DPP10: variants seen among roughly 807,000 people sequenced by gnomAD.
DPP10 encodes the protein inactive dipeptidyl peptidase 10.
Under a neutral mutation model 120.9 loss-of-function variants are expected in DPP10, and 33 were observed. The observed-to-expected ratio is 0.27, with a 90% CI of 0.21 to 0.37. The LOEUF is 0.37. Among genes scored for constraint, DPP10 ranks in the 10% least tolerant of loss-of-function variants. The pLI, the probability that DPP10 is intolerant of heterozygous loss-of-function variation, is 1.00. For synonymous variants in DPP10, 337 were observed against 326.1 expected, an observed-to-expected ratio of 1.03 and a Z score of -0.36; for missense variants, 816 against 942.8, an observed-to-expected ratio of 0.87 and a Z score of 1.76.
At chr2:114,797,402 T>C (rs1169966367) in intron 1 of DPP10, among the ~76,000 whole-genome samples, 1 of 152,188 alleles carries the variant, frequency 6.6e-6, no homozygotes, top group African/African-American at 2.4e-5. Context: ...CTGGGTGATC[T>C]TGGGCAAGGT....
intron 21 of DPP10, among the ~76,000 whole-genome samples, chr2:115,823,197 G>C (rs62156341): frequency 0.081 from 12,339 of 151,924 alleles, 671 homozygotes; most frequent in Non-Finnish European, 0.12. Flanking sequence ...TTTTATCTAT[G>C]GGGATTCTTT....
Position 114,442,707 on chromosome 2 carries a change from A to G in DPP10, c.-72A>G, listed in dbSNP as rs776705828. ...CAGCAGCAGCCCCTACTGAAGTCCA[A>G]TAGAGGAGACTTGATCTCTAGTTCA... is the stretch of plus-strand genomic sequence containing the variant. On this transcript the variant is annotated 5_prime_UTR_variant, in exon 1 of 26. Transcript: ENST00000410059. 1.4e-5 allele frequency: 22 copies of G among 1,578,598 alleles called. No individual in the cohort carries two copies. Among genetic ancestry groups the G allele is most frequent in the East Asian group, 4.5e-5 (2 of 44,190 alleles).
chr2:114,628,516 G>A (rs1386779340), intron 1 of DPP10, among the ~76,000 whole-genome samples: 1 of 152,104 alleles, frequency 6.6e-6, no homozygotes, highest in Non-Finnish European at 1.5e-5. Context: ...GTGAGAAAGA[G>A]CAATTCATCT....
At chr2:115,230,553 C>T (rs1307880745) in intron 1 of DPP10, among the ~76,000 whole-genome samples, 1 of 151,786 alleles carries the variant, frequency 6.6e-6, no homozygotes, top group East Asian at 1.9e-4. Context: ...AGAACTTTTC[C>T]AATGAGTTGT....
chr2:115,444,473 G>A (rs1244423276), intron 3 of DPP10, among the ~76,000 whole-genome samples: 2 of 152,198 alleles, frequency 1.3e-5, no homozygotes, highest in African/African-American at 4.8e-5. Context: ...ATAAGTCTCT[G>A]TCAATCACAG....
chr2:115,499,225 A>T (rs1422163390), intron 3 of DPP10, among the ~76,000 whole-genome samples: 1 of 152,070 alleles, frequency 6.6e-6, no homozygotes, highest in East Asian at 1.9e-4. Flanking sequence ...CTCACCACAG[A>T]ATGTGCAGCA....
intron 8 of DPP10, among the ~76,000 whole-genome samples, chr2:115,737,994 A>G (rs1027070246): frequency 1.3e-5 from 2 of 152,156 alleles, no homozygotes; most frequent in Non-Finnish European, 2.9e-5. Context: ...TTTGATGTTC[A>G]ATATCTTCAG....
chr2:115,615,880 A>C (rs1202442615), intron 5 of DPP10, among the ~76,000 whole-genome samples: 1 of 152,170 alleles, frequency 6.6e-6, no homozygotes, highest in Non-Finnish European at 1.5e-5. Flanking sequence ...CTAATATTAT[A>C]AGTATCAATT....
chr2:115,184,457 C>T (rs2054292897), intron 1 of DPP10, among the ~76,000 whole-genome samples: 1 of 152,124 alleles, frequency 6.6e-6, no homozygotes, highest in Non-Finnish European at 1.5e-5. Context: ...CTTTATTGGA[C>T]TTTTACAAGA....
chr2:114,538,436 A>G (rs1465810212), intron 1 of DPP10, among the ~76,000 whole-genome samples: 1 of 152,200 alleles, frequency 6.6e-6, no homozygotes, highest in Non-Finnish European at 1.5e-5. Flanking sequence ...GTGTCCACCT[A>G]AAGTCCAGGG....
chr2:115,802,246 G>A (rs1017741885), intron 19 of DPP10, among the ~76,000 whole-genome samples: 3 of 152,194 alleles, frequency 2.0e-5, no homozygotes, highest in Non-Finnish European at 2.9e-5. Context: ...ATTCTCTGAC[G>A]GTAGTTTGTA....
chr2:115,028,434 C>T (rs1457658710), intron 1 of DPP10, among the ~76,000 whole-genome samples: 1 of 152,046 alleles, frequency 6.6e-6, no homozygotes, highest in Non-Finnish European at 1.5e-5. Context: ...TAGTTTGAGT[C>T]CACTGTGGTC....
At chr2:115,166,550 AT>A (rs1413425891) in intron 1 of DPP10, among the ~76,000 whole-genome samples, 1 of 146,774 alleles carries the variant, frequency 6.8e-6, no homozygotes, top group Non-Finnish European at 1.5e-5. Flanking sequence ...TATAATATAA[AT>A]ATATATTATA....
intron 1 of DPP10, among the ~76,000 whole-genome samples, chr2:115,185,237 T>A (rs2054351889): frequency 1.2e-5 from 1 of 83,824 alleles, no homozygotes. Flanking sequence ...AGAGAAGGTT[T>A]TTTGTTTCTT....
intron 1 of DPP10, among the ~76,000 whole-genome samples, chr2:114,706,601 G>T (rs192298416): frequency 1.2e-3 from 184 of 152,190 alleles, no homozygotes; most frequent in Non-Finnish European, 2.1e-3. Context: ...CATTTCACTG[G>T]ATTTAAAGCC....
intron 7 of DPP10, among the ~76,000 whole-genome samples, chr2:115,694,011 C>A (rs1445073546): frequency 6.6e-6 from 1 of 152,008 alleles, no homozygotes; most frequent in Admixed American, 6.6e-5. Flanking sequence ...TTTAGGGTGA[C>A]TAGTTTTGTG....
At chr2:114,843,796 AT>A (rs1688343171) in intron 1 of DPP10, among the ~76,000 whole-genome samples, 1 of 151,926 alleles carries the variant, frequency 6.6e-6, no homozygotes, top group Non-Finnish European at 1.5e-5. Context: ...GCCGAGGGAG[AT>A]TGTCTGAAAT....
intron 5 of DPP10, among the ~76,000 whole-genome samples, chr2:115,562,053 CAT>C (rs754045048): frequency 6.6e-6 from 1 of 152,208 alleles, no homozygotes; most frequent in South Asian, 2.1e-4. Flanking sequence ...CCATTTCCCA[CAT>C]GTTATAGAGC....
intron 4 of DPP10, among the ~76,000 whole-genome samples, chr2:115,521,605 A>ATTTT (rs79361161): frequency 1.5e-3 from 216 of 143,576 alleles, no homozygotes; most frequent in African/African-American, 3.1e-3. Flanking sequence ...TCTAATCCTT[A>ATTTT]TTTTTTTTTT....
Sources: gnomAD v4.1 joint callset for allele counts (sites outside exome capture counted in the v4.1 genomes callset) on GRCh38, gnomAD v4.1.1 for gene constraint, MANE v1.5 for transcripts, NCBI Gene and HGNC (gene_info 2026-07-23, HGNC 2026-07-21) for gene names.